The following MTA1 variants were observed in gnomAD, a reference collection of about 807,000 sequenced individuals.
The protein encoded by MTA1 is metastasis-associated protein MTA1.
Under a neutral mutation model 97.0 loss-of-function variants are expected in MTA1, and 15 were observed. The observed-to-expected ratio is 0.15, with a 90% CI of 0.10 to 0.24. MTA1 has a LOEUF of 0.24. Ranked by LOEUF, MTA1 falls within the 10% of genes least tolerant of loss-of-function variation. The pLI is 1.00. For missense variants in MTA1, 709 were observed against 1,015.1 expected (o/e 0.70, Z 4.10); for synonymous variants, 435 against 417.5 (o/e 1.04, Z -0.51).
At chr14:105,468,572 C>T (rs1555433466) in intron 18 of MTA1, among the ~76,000 whole-genome samples, 1 of 152,216 alleles carries the variant, frequency 6.6e-6, no homozygotes, top group East Asian at 1.9e-4. Context: ...TAGGAGGCAA[C>T]TGCAGGTGGG....
rs2083461402 is a variant in MTA1 at position 105,463,972 on chromosome 14, C to T, written c.1077-60C>T. The T allele has an allele frequency of 1.3e-6, 2 of 1,551,348 alleles. No homozygotes were observed. Among genetic ancestry groups the T allele is most frequent in the South Asian group, 1.1e-5 (1 of 89,376 alleles). On this transcript the variant is annotated intron_variant, in intron 12 of 20. Transcript: ENST00000331320. This position sits in a 1 kb window ranked among gnomAD's most constrained non-coding sequence, Gnocchi z 5.9. ...GGTCAGCCGCGGTGCCTGCTGGGCACATGGGCCCTCGAGGTTTGTGCTCCT... is the reference window on the plus strand; with the variant it reads ...GGTCAGCCGCGGTGCCTGCTGGGCATATGGGCCCTCGAGGTTTGTGCTCCT...
intron 18 of MTA1, chr14:105,467,649 C>T (rs1468830912): frequency 2.7e-6 from 1 of 370,326 alleles, no homozygotes; most frequent in Non-Finnish European, 5.4e-6. Flanking sequence ...GTGTCTGTGT[C>T]TCGGCCCCAG....
chr14:105,465,022 G>C, intron 15 of MTA1, 72 bp from the exon 16 acceptor site: 6 of 1,441,394 alleles, frequency 4.2e-6, no homozygotes, highest in Non-Finnish European at 5.5e-6. Context: ...AGGGCTCCCA[G>C]GTCAAGGCGC....
chr14:105,464,974 C>G (rs2083508384), intron 15 of MTA1, 111 bp downstream of exon 15: 2 of 1,423,538 alleles, frequency 1.4e-6, no homozygotes, highest in Non-Finnish European at 1.9e-6. Flanking sequence ...TCAGGGAGCC[C>G]CACGTCCTCC....
intron 18 of MTA1, chr14:105,467,937 C>T (rs2083664553): frequency 7.5e-6 from 2 of 266,690 alleles, no homozygotes; most frequent in Non-Finnish European, 1.5e-5. Context: ...TTCCACACCT[C>T]ACACGTGAGT....
In MTA1 at chr14:105,420,006, C is replaced by G; in HGVS notation, c.-30C>G. ...GCCCGCGCCGAGCGCCGCGCCCGCC[C>G]CGGGCCCCTCCGCCGCCGCCGGCCC... is the stretch of plus-strand genomic sequence containing the variant. On this transcript the variant is annotated 5_prime_UTR_variant, in exon 1 of 21. Coordinates refer to ENST00000331320, the MANE Select transcript of MTA1 (RefSeq NM_004689.4). This position sits in a 1 kb window ranked among gnomAD's most constrained non-coding sequence, Gnocchi z 5.3. 9.6e-7 allele frequency: 1 copy of G among 1,043,592 alleles called. No homozygotes were observed. The highest frequency in any genetic ancestry group is 1.2e-6 in the Non-Finnish European group (1 of 866,630). The allele number at this position is 1,043,592 out of a possible 1,614,324, so 64.6% of individuals were successfully genotyped here.
intron 18 of MTA1, 160 bp from the exon 19 acceptor site, chr14:105,469,307 C>T (rs1251176168): frequency 1.3e-5 from 10 of 750,134 alleles, no homozygotes; most frequent in East Asian, 1.1e-4. Context: ...CCCGGGGATG[C>T]GAGGCCCCAC....
chr14:105,450,993 G>C (rs934024964), intron 6 of MTA1, among the ~76,000 whole-genome samples: 2 of 152,158 alleles, frequency 1.3e-5, no homozygotes, highest in African/African-American at 4.8e-5. Flanking sequence ...TCACAGTTGC[G>C]GGGCACACCT....
In MTA1 at chr14:105,466,766, G is replaced by T. The variant is rs1441405777; in HGVS notation, c.1813+24G>T. Reference sequence around the variant, plus strand: ...GGGTAAGGCCTGGAGCCGCGGGCGGGCGCTGCGCCGGCCCCGCCCGTGATG... The same window carrying T: ...GGGTAAGGCCTGGAGCCGCGGGCGGTCGCTGCGCCGGCCCCGCCCGTGATG... On this transcript the variant is annotated intron_variant, in intron 18 of 20. Transcript: ENST00000331320. 12 of 1,560,422 alleles carry T rather than the reference G, an allele frequency of 7.7e-6. No homozygotes were observed. The African/African-American group carries it at 1.4e-4, about 18-fold the overall frequency.
intron 1 of MTA1, among the ~76,000 whole-genome samples, chr14:105,430,500 G>A (rs1242179760): frequency 2.6e-5 from 4 of 152,154 alleles, no homozygotes; most frequent in Non-Finnish European, 4.4e-5. Flanking sequence ...TAAAAAGTTG[G>A]AAATGTTGAG....
chr14:105,461,183 G>A (rs1042024634), intron 10 of MTA1, among the ~76,000 whole-genome samples: 3 of 152,178 alleles, frequency 2.0e-5, no homozygotes. Flanking sequence ...CCTGGGCATA[G>A]AGAGCCATGC....
intron 2 of MTA1, 90 bp from the exon 3 acceptor site, chr14:105,445,328 A>C: frequency 2.5e-6 from 3 of 1,197,958 alleles, no homozygotes; most frequent in Non-Finnish European, 3.6e-6. Flanking sequence ...CAGTCCCTGG[A>C]CGGCAGGGTC....
chr14:105,465,250 G>A, intron 16 of MTA1, 67 bp downstream of exon 16: 5 of 1,335,132 alleles, frequency 3.7e-6, no homozygotes, highest in Non-Finnish European at 5.0e-6. Flanking sequence ...CCAAGCTCAT[G>A]CACTGGTGCT....
chr14:105,468,018 G>A, intron 18 of MTA1: 1 of 316,240 alleles, frequency 3.2e-6, no homozygotes, highest in Non-Finnish European at 6.3e-6. Context: ...TGGGCTCAGA[G>A]GGGTCAGCCA....
intron 16 of MTA1, chr14:105,466,095 GTTT>G (rs1390529313): frequency 6.2e-6 from 2 of 325,080 alleles, no homozygotes; most frequent in Non-Finnish European, 1.1e-5. Context: ...CGTGGGGGCT[GTTT>G]AATAGGCGTG....
rs1406609827 is a variant in MTA1, at chr14:105,420,382, G to A, written c.28+319G>A. Reference sequence around the variant, plus strand: ...GACATCCGGGGGTCCGGGGCCGGGAGCCCCCAGCGGGAGCACGTGGCCTTG... The same window carrying A: ...GACATCCGGGGGTCCGGGGCCGGGAACCCCCAGCGGGAGCACGTGGCCTTG... On this transcript the variant is annotated intron_variant, in intron 1 of 20. Transcript: ENST00000331320. The surrounding 1 kb of genome is among the most constrained non-coding windows in gnomAD (Gnocchi z 5.3). Among the ~76,000 whole-genome samples, 3 of 151,914 alleles carry A rather than the reference G, an allele frequency of 2.0e-5. No individual in the cohort carries two copies. Among genetic ancestry groups the A allele is most frequent in the Non-Finnish European group, 4.4e-5 (3 of 67,918 alleles).
rs957129939 is a variant in MTA1 at position 105,463,977 on chromosome 14, G to T, written c.1077-55G>T. On this transcript the variant is annotated intron_variant, in intron 12 of 20. Transcript: ENST00000331320. This position sits in a 1 kb window ranked among gnomAD's most constrained non-coding sequence, Gnocchi z 5.9. ...GCCGCGGTGCCTGCTGGGCACATGGGCCCTCGAGGTTTGTGCTCCTGCAAC... is the reference window on the plus strand; with the variant it reads ...GCCGCGGTGCCTGCTGGGCACATGGTCCCTCGAGGTTTGTGCTCCTGCAAC... 6.4e-7 allele frequency: 1 copy of T among 1,564,382 alleles called. No individual in the cohort carries two copies. The highest frequency in any genetic ancestry group is 1.7e-5 in the Admixed American group (1 of 59,608).
At chr14:105,430,683 T>C (rs1484593149) in intron 1 of MTA1, among the ~76,000 whole-genome samples, 3 of 151,646 alleles carry the variant, frequency 2.0e-5, no homozygotes, top group Middle Eastern at 3.2e-3. Flanking sequence ...TGGGAAATAA[T>C]TGGCATCTAA....
chr14:105,463,329 G>A lies in MTA1; in HGVS notation c.1017+71G>A, dbSNP rs2083434764. On this transcript the variant is annotated intron_variant, in intron 11 of 20. Coordinates refer to ENST00000331320, the MANE Select transcript of MTA1 (RefSeq NM_004689.4). This position sits in a 1 kb window ranked among gnomAD's most constrained non-coding sequence, Gnocchi z 5.9. ...TCCTGCGCCCCATCCTCTCCCAGCA[G>A]GTGGGCGTGCACTGCTGCAGCAGGA... 1 of 1,572,938 alleles carries A rather than the reference G, an allele frequency of 6.4e-7. No individual in the cohort carries two copies. Among genetic ancestry groups the A allele is most frequent in the Non-Finnish European group, 8.7e-7 (1 of 1,146,044 alleles).
Sources: allele counts gnomAD v4.1 joint callset (sites outside exome capture counted in the v4.1 genomes callset), GRCh38; gene constraint gnomAD v4.1.1; non-coding constraint Gnocchi (gnomAD v3.1); transcripts MANE v1.5; gene names NCBI Gene and HGNC (gene_info 2026-07-23, HGNC 2026-07-21).